The following ZFHX3 variants were observed in gnomAD, a reference collection of about 807,000 sequenced individuals.
ZFHX3 encodes the protein zinc finger homeobox 3.
ZFHX3 carries 42 observed loss-of-function variants against 279.1 expected under a neutral mutation model. The observed-to-expected ratio is 0.15, with a 90% CI of 0.12 to 0.19. The LOEUF is 0.19. Among genes scored for constraint, ZFHX3 ranks in the 10% least tolerant of loss-of-function variants. The pLI is 1.00. For synonymous variants in ZFHX3, 2,293 were observed against 1,957.8 expected (o/e 1.17, Z -4.52); for missense variants, 4,981 against 4,754.0 (o/e 1.05, Z -1.40).
At chr16:73,628,655 T>C (rs144213032) in intron 2 of ZFHX3, among the ~76,000 whole-genome samples, 26 of 152,352 alleles carry the variant, frequency 1.7e-4, no homozygotes, top group African/African-American at 6.0e-4. Context: ...GTGTCTCTTT[T>C]AATTGTTCTG....
chr16:73,617,897 T>A (rs1413066693), intron 2 of ZFHX3, among the ~76,000 whole-genome samples: 1 of 152,194 alleles, frequency 6.6e-6, no homozygotes, highest in Non-Finnish European at 1.5e-5. Context: ...CCCTTGAGTG[T>A]CTTAAATAAT....
At chr16:73,747,020 C>T (rs1167093965) in intron 1 of ZFHX3, among the ~76,000 whole-genome samples, 2 of 152,142 alleles carry the variant, frequency 1.3e-5, no homozygotes, top group Non-Finnish European at 2.9e-5. Flanking sequence ...AAATGGAGCA[C>T]CTTTGTTTCA....
chr16:73,223,930 G>A (rs1185637135), intron 5 of ZFHX3, among the ~76,000 whole-genome samples: 1 of 152,178 alleles, frequency 6.6e-6, no homozygotes, highest in Non-Finnish European at 1.5e-5. Context: ...AGTCTGAAAA[G>A]ACTACATATT....
intron 2 of ZFHX3, among the ~76,000 whole-genome samples, chr16:73,511,913 T>A (rs2019434212): frequency 6.6e-6 from 1 of 152,070 alleles, no homozygotes; most frequent in South Asian, 2.1e-4. Flanking sequence ...CAACCTCCCC[T>A]CACCTAGACT....
At chr16:73,443,397 A>C (rs917278580) in intron 3 of ZFHX3, among the ~76,000 whole-genome samples, 1 of 152,220 alleles carries the variant, frequency 6.6e-6, no homozygotes, top group East Asian at 1.9e-4. Context: ...AACGATGTAC[A>C]ACTTATTGCC....
At chr16:73,001,670 G>T (rs949736991) in intron 1 of ZFHX3, among the ~76,000 whole-genome samples, 2 of 151,924 alleles carry the variant, frequency 1.3e-5, no homozygotes, top group Non-Finnish European at 2.9e-5. Flanking sequence ...TTAAAAAAAG[G>T]TTAGCCAAGT....
chr16:73,150,715 TGA>T (rs1383935389), intron 5 of ZFHX3, among the ~76,000 whole-genome samples: 1 of 152,210 alleles, frequency 6.6e-6, no homozygotes, highest in Non-Finnish European at 1.5e-5. Context: ...TTTGCTCTCA[TGA>T]TTTGGTGTAA....
chr16:72,788,867 GA>G lies in ZFHX3; in HGVS notation c.9428-20del. On this transcript the variant is annotated intron_variant, in intron 9 of 9. Coordinates refer to ENST00000268489, the MANE Select transcript of ZFHX3 (RefSeq NM_006885.4). ...GTTAAAGCTGAAAGGAATGGAGACA[GA>G]AATCACCGGTCAGTCTGGGCAGGGG... 4.0e-6 allele frequency: 6 copies of G among 1,515,250 alleles called. No homozygotes were observed. The highest frequency in any genetic ancestry group is 5.3e-6 in the Non-Finnish European group (6 of 1,133,732). The allele number at this position is 1,515,250 out of a possible 1,614,324, so 93.9% of individuals were successfully genotyped here. A position where few individuals can be genotyped will look rare whatever the true frequency, so the allele number is the denominator to read the frequency against.
chr16:73,320,833 A>G (rs1438634216), intron 3 of ZFHX3, among the ~76,000 whole-genome samples: 2 of 152,128 alleles, frequency 1.3e-5, no homozygotes, highest in Non-Finnish European at 2.9e-5. Flanking sequence ...TCTCTTTACC[A>G]TAAAGTGAAG....
chr16:73,600,288 G>C (rs1457326315), intron 2 of ZFHX3, among the ~76,000 whole-genome samples: 1 of 152,132 alleles, frequency 6.6e-6, no homozygotes, highest in African/African-American at 2.4e-5. Context: ...CTTCCCAAGA[G>C]ATGGTACCTG....
intron 2 of ZFHX3, among the ~76,000 whole-genome samples, chr16:73,651,489 G>C (rs1174889063): frequency 2.0e-5 from 3 of 151,824 alleles, no homozygotes; most frequent in African/African-American, 7.3e-5. Flanking sequence ...ACATCACAAT[G>C]AAACTACAGA....
chr16:73,682,156 A>G (rs1188312288), intron 1 of ZFHX3, among the ~76,000 whole-genome samples: 3 of 152,192 alleles, frequency 2.0e-5, no homozygotes, highest in African/African-American at 7.2e-5. Context: ...ATCATTTGCC[A>G]TTGCTCTTAT....
At chr16:73,416,378 A>T (rs77912083) in intron 3 of ZFHX3, among the ~76,000 whole-genome samples, 9 of 152,172 alleles carry the variant, frequency 5.9e-5, no homozygotes, top group Admixed American at 5.2e-4. Flanking sequence ...TGTTGTAGAC[A>T]GTCAGCCCAA....
intron 5 of ZFHX3, among the ~76,000 whole-genome samples, chr16:72,821,416 G>A (rs2036787468): frequency 6.6e-6 from 1 of 152,174 alleles, no homozygotes; most frequent in African/African-American, 2.4e-5. Flanking sequence ...TTTAATATCA[G>A]TGCTGCTTTC....
At chr16:73,040,765 G>C (rs1312950048) in intron 1 of ZFHX3, among the ~76,000 whole-genome samples, 1 of 152,216 alleles carries the variant, frequency 6.6e-6, no homozygotes, top group African/African-American at 2.4e-5. Flanking sequence ...AAAAGGGCGT[G>C]GAGATGGCAG....
chr16:72,843,768 A>G (rs191456711), intron 4 of ZFHX3, among the ~76,000 whole-genome samples: 107 of 152,288 alleles, frequency 7.0e-4, no homozygotes, highest in African/African-American at 2.5e-3. Flanking sequence ...TAATGGTACC[A>G]TAGTTGTTCA....
chr16:73,736,412 T>C (rs940567893), intron 1 of ZFHX3, among the ~76,000 whole-genome samples: 8 of 152,206 alleles, frequency 5.3e-5, no homozygotes, highest in Admixed American at 2.0e-4. Context: ...TGCTCAAACC[T>C]TGAAACATCA....
chr16:73,589,257 C>T (rs12925898), intron 2 of ZFHX3, among the ~76,000 whole-genome samples: 6,657 of 54,004 alleles, frequency 0.12, 448 homozygotes, highest in Middle Eastern at 0.24. Flanking sequence ...AAGATTCTGT[C>T]TCAAAAAAAA....
intron 2 of ZFHX3, among the ~76,000 whole-genome samples, chr16:73,582,453 T>G (rs2051872059): frequency 6.6e-6 from 1 of 151,776 alleles, no homozygotes; most frequent in Non-Finnish European, 1.5e-5. Context: ...AAAAAAAAAT[T>G]AAGCCTAAAT....
Sources: gnomAD v4.1 joint callset for allele counts (sites outside exome capture counted in the v4.1 genomes callset) on GRCh38, gnomAD v4.1.1 for gene constraint, MANE v1.5 for transcripts, NCBI Gene and HGNC (gene_info 2026-07-23, HGNC 2026-07-21) for gene names.